The following UNC5D variants were observed in gnomAD, a reference collection of about 807,000 sequenced individuals.
The protein encoded by UNC5D is netrin receptor UNC5D.
A neutral mutation model predicts 105.4 loss-of-function variants in UNC5D; 39 were observed. That is an observed-to-expected ratio of 0.37 (90% CI 0.29 to 0.48). UNC5D has a LOEUF of 0.48. UNC5D is among the 20% of genes least tolerant of loss of function. The pLI is 0.98. For missense variants in UNC5D, 991 were observed against 1,202.4 expected (o/e 0.82, Z 2.60); for synonymous variants, 452 against 450.4 (o/e 1.00, Z -0.04).
At chr8:35,350,675 A>G (rs1188833081) in intron 1 of UNC5D, among the ~76,000 whole-genome samples, 1 of 152,094 alleles carries the variant, frequency 6.6e-6, no homozygotes, top group Non-Finnish European at 1.5e-5. Flanking sequence ...AGAAACAGTT[A>G]AATTTCCTAT....
At position 35,710,938 on chromosome 8, in the gene UNC5D, T is replaced by TAACATGTATATGATCTGGTCCCGGC. The variant is rs1160677359; in HGVS notation, c.1117+4977_1117+4978insAACATGTATATGATCTGGTCCCGGC. Among the ~76,000 whole-genome samples, 50 of 120,732 alleles carry TAACATGTATATGATCTGGTCCCGGC rather than the reference T, an allele frequency of 4.1e-4. 1 individual carries two copies. Among genetic ancestry groups the TAACATGTATATGATCTGGTCCCGGC allele is most frequent in the African/African-American group, 1.5e-3 (31 of 21,296 alleles). The allele number at this position is 120,732 out of a possible 152,430, so 79.2% of individuals were successfully genotyped here. A position where few individuals can be genotyped will look rare whatever the true frequency, so the allele number is the denominator to read the frequency against. On this transcript the variant is annotated intron_variant, in intron 8 of 16. Coordinates refer to ENST00000404895, the MANE Select transcript of UNC5D (RefSeq NM_080872.4). ...CTTCAGTAGCTCAGCATTATTCTTT[T>TAACATGTATATGATCTGGTCCCGGC]TTTTTTTTTTTTTTTTTTGAGACGG...
At chr8:35,266,314 T>C (rs989252585) in intron 1 of UNC5D, among the ~76,000 whole-genome samples, 6 of 152,224 alleles carry the variant, frequency 3.9e-5, no homozygotes, top group Non-Finnish European at 1.5e-5. Context: ...TAGCATTCAA[T>C]TGAAATGTAT....
chr8:35,396,116 A>G (rs16875831), intron 1 of UNC5D, among the ~76,000 whole-genome samples: 3,585 of 152,154 alleles, frequency 0.024, 143 homozygotes, highest in African/African-American at 0.083. Context: ...TTTATCTCAC[A>G]TTGCTCAGCC....
chr8:35,779,952 A>T (rs894960460), intron 16 of UNC5D, among the ~76,000 whole-genome samples: 18 of 152,158 alleles, frequency 1.2e-4, no homozygotes, highest in African/African-American at 4.3e-4. Flanking sequence ...CCTAATTTTC[A>T]TATTCCAGAA....
intron 8 of UNC5D, among the ~76,000 whole-genome samples, chr8:35,714,878 G>A (rs1008304160): frequency 3.3e-5 from 5 of 152,110 alleles, no homozygotes; most frequent in South Asian, 2.1e-4. Context: ...CCGGCCAGGC[G>A]CAGTGGCTCA....
At chr8:35,778,382 G>T (rs954373795) in intron 16 of UNC5D, among the ~76,000 whole-genome samples, 4 of 152,176 alleles carry the variant, frequency 2.6e-5, no homozygotes, top group Non-Finnish European at 4.4e-5. Flanking sequence ...TTTTTTGGAT[G>T]TAATCTGTCA....
At chr8:35,518,410 A>G (rs958850343) in intron 1 of UNC5D, among the ~76,000 whole-genome samples, 1 of 152,172 alleles carries the variant, frequency 6.6e-6, no homozygotes, top group Non-Finnish European at 1.5e-5. Context: ...ATAAAAATTT[A>G]TGAAAATAGA....
At chr8:35,714,223 C>T (rs1399090587) in intron 8 of UNC5D, among the ~76,000 whole-genome samples, 1 of 152,178 alleles carries the variant, frequency 6.6e-6, no homozygotes, top group Admixed American at 6.5e-5. Flanking sequence ...GATCTTGAGC[C>T]ATGTCCCTGG....
At chr8:35,328,084 G>A (rs189214486) in intron 1 of UNC5D, among the ~76,000 whole-genome samples, 1 of 152,206 alleles carries the variant, frequency 6.6e-6, no homozygotes, top group African/African-American at 2.4e-5. Flanking sequence ...AGTAACACTG[G>A]CAAAGATGTG....
At chr8:35,577,389 G>T (rs1586170808) in intron 3 of UNC5D, among the ~76,000 whole-genome samples, 1 of 152,138 alleles carries the variant, frequency 6.6e-6, no homozygotes, top group African/African-American at 2.4e-5. Flanking sequence ...TTGTGTTTTT[G>T]GAGAGTGAAG....
At chr8:35,435,219 A>G (rs78688494) in intron 1 of UNC5D, among the ~76,000 whole-genome samples, 2,202 of 152,210 alleles carry the variant, frequency 0.014, 66 homozygotes, top group African/African-American at 0.051. Context: ...TATCTTAAAC[A>G]CTATAAACAG....
At chr8:35,288,541 G>A (rs1806791980) in intron 1 of UNC5D, among the ~76,000 whole-genome samples, 1 of 152,144 alleles carries the variant, frequency 6.6e-6, no homozygotes, top group Non-Finnish European at 1.5e-5. Flanking sequence ...TTTGGTATAA[G>A]TAATGCCTGG....
chr8:35,608,684 T>C (rs754744969), intron 4 of UNC5D, among the ~76,000 whole-genome samples: 4 of 152,268 alleles, frequency 2.6e-5, no homozygotes, highest in African/African-American at 4.8e-5. Context: ...ACACATGGTA[T>C]TTGTCTTTGT....
At chr8:35,459,214 C>G (rs866797869) in intron 1 of UNC5D, among the ~76,000 whole-genome samples, 7 of 152,124 alleles carry the variant, frequency 4.6e-5, no homozygotes, top group Admixed American at 1.3e-4. Context: ...TAAGGATTAA[C>G]ACCATTTGTT....
At chr8:35,465,206 C>T (rs565402210) in intron 1 of UNC5D, among the ~76,000 whole-genome samples, 54 of 152,280 alleles carry the variant, frequency 3.5e-4, no homozygotes, top group African/African-American at 1.0e-3. Flanking sequence ...GCATGGGCAA[C>T]GTGGCAAAAC....
At chr8:35,247,612 AT>A (rs1803215865) in intron 1 of UNC5D, among the ~76,000 whole-genome samples, 1 of 92,946 alleles carries the variant, frequency 1.1e-5, no homozygotes, top group Non-Finnish European at 1.9e-5. Flanking sequence ...ATAAATATAT[AT>A]TATATATAAA....
intron 4 of UNC5D, among the ~76,000 whole-genome samples, chr8:35,596,139 C>T (rs1336818606): frequency 6.6e-6 from 1 of 152,194 alleles, no homozygotes; most frequent in East Asian, 1.9e-4. Flanking sequence ...ATGTTTTCTG[C>T]ACTGTGCAGG....
At chr8:35,716,387 T>C (rs575049469) in intron 8 of UNC5D, among the ~76,000 whole-genome samples, 1 of 152,074 alleles carries the variant, frequency 6.6e-6, no homozygotes, top group Non-Finnish European at 1.5e-5. Context: ...TTCCTGAGAG[T>C]AGTCACACAG....
At chr8:35,358,559 A>ATG (rs1190431478) in intron 1 of UNC5D, among the ~76,000 whole-genome samples, 5 of 152,272 alleles carry the variant, frequency 3.3e-5, no homozygotes, top group Admixed American at 3.3e-4. Flanking sequence ...ACCTAGGGTG[A>ATG]TGGGTTGATA....
Sources: gnomAD v4.1 joint callset for allele counts (sites outside exome capture counted in the v4.1 genomes callset) on GRCh38, gnomAD v4.1.1 for gene constraint, MANE v1.5 for transcripts, NCBI Gene and HGNC (gene_info 2026-07-23, HGNC 2026-07-21) for gene names.